The following IFT140 variants were observed in gnomAD, a reference collection of about 807,000 sequenced individuals.
The protein encoded by IFT140 is intraflagellar transport 140.
A neutral mutation model predicts 164.6 loss-of-function variants in IFT140; 133 were observed. That is an observed-to-expected ratio of 0.81 (90% CI 0.70 to 0.93). The LOEUF is 0.93. Ranked by LOEUF, IFT140 falls within the 40% of genes least tolerant of loss-of-function variation. The pLI is 0.00. For missense variants in IFT140, 2,045 were observed against 1,972.3 expected (o/e 1.04, Z -0.70); for synonymous variants, 860 against 817.3 (o/e 1.05, Z -0.89).
At position 1,556,731 on chromosome 16, in the gene IFT140, CTTTTTTATGACAAGGAATTTTTA is replaced by C. The variant is rs950916592; in HGVS notation, c.2399+1181_2399+1203del. The stretch of plus-strand genomic sequence containing the variant: ...TTGACTTTCATCTTCCCCTGCTCAA[CTTTTTTATGACAAGGAATTTTTA>C]TTTTTTATGACAAGGAATTTTTAAA... On this transcript the variant is annotated intron_variant, in intron 19 of 30. Transcript: ENST00000426508. Among the ~76,000 whole-genome samples, 10 of 152,336 alleles carry C rather than the reference CTTTTTTATGACAAGGAATTTTTA, an allele frequency of 6.6e-5. No homozygotes were observed. The South Asian group carries it at 1.9e-3, about 28-fold the overall frequency.
chr16:1,604,639 G>A (rs559746102), intron 3 of IFT140, among the ~76,000 whole-genome samples: 69 of 152,294 alleles, frequency 4.5e-4, no homozygotes, highest in Non-Finnish European at 9.0e-4. Context: ...CCTGGTTGCC[G>A]TGTAAAGTAG....
At chr16:1,541,591 G>T in intron 19 of IFT140, 1 of 724,270 alleles carries the variant, frequency 1.4e-6, no homozygotes, top group Non-Finnish European at 1.7e-6. Context: ...CCACGCCAGC[G>T]CCTTCAAGGG....
chr16:1,536,074 C>T (rs373141440), intron 19 of IFT140, among the ~76,000 whole-genome samples: 71 of 152,344 alleles, frequency 4.7e-4, no homozygotes, highest in African/African-American at 1.5e-3. Context: ...CCATCACTGG[C>T]GTCCAGCCCA....
At chr16:1,594,243 C>T (rs1399699312) in intron 4 of IFT140, among the ~76,000 whole-genome samples, 2 of 149,668 alleles carry the variant, frequency 1.3e-5, no homozygotes, top group Non-Finnish European at 3.0e-5. Context: ...TTTTTTGAGA[C>T]AGGGTCTCAC....
At chr16:1,517,274 C>T (rs2040388629) in intron 30 of IFT140, among the ~76,000 whole-genome samples, 1 of 151,386 alleles carries the variant, frequency 6.6e-6, no homozygotes, top group Non-Finnish European at 1.5e-5. Flanking sequence ...GGCGTGAACC[C>T]AGGAGGCGGA....
chr16:1,594,876 T>C (rs1038039886), intron 4 of IFT140, among the ~76,000 whole-genome samples: 1 of 152,232 alleles, frequency 6.6e-6, no homozygotes, highest in Admixed American at 6.5e-5. Flanking sequence ...TAGCCCACAG[T>C]ACGCTCTTCT....
intron 4 of IFT140, among the ~76,000 whole-genome samples, 181 bp from the exon 5 acceptor site, chr16:1,592,769 G>A (rs901502229): frequency 3.3e-5 from 5 of 151,450 alleles, no homozygotes; most frequent in Admixed American, 3.3e-4. Flanking sequence ...AGAGTGACTG[G>A]TGGAGGGACA....
At position 1,533,064 on chromosome 16, in the gene IFT140, G is replaced by A. The variant is rs544273028; in HGVS notation, c.2400-6268C>T. The A allele has an allele frequency of 1.3e-5, 2 of 152,368 alleles. No individual in the cohort carries two copies. The highest frequency in any genetic ancestry group is 3.9e-4 in the East Asian group (2 of 5,154). The allele number at this position is 152,368 out of a possible 1,614,324, so 9.4% of individuals were successfully genotyped here. A position where few individuals can be genotyped will look rare whatever the true frequency, so the allele number is the denominator to read the frequency against. ...TGGCCTCGAGGTCCTCCAAGTACAG[G>A]TCCCTGGCCCCGAGGTCCTCCAAGT... On this transcript the variant is annotated intron_variant, in intron 19 of 30. Transcript: ENST00000426508. This position sits in a 1 kb window ranked among gnomAD's most constrained non-coding sequence, Gnocchi z 4.7.
intron 4 of IFT140, among the ~76,000 whole-genome samples, chr16:1,595,584 AGAGT>A (rs2035421079): frequency 6.6e-6 from 1 of 151,450 alleles, no homozygotes. Flanking sequence ...CCTGGGCGAC[AGAGT>A]GAGACTCCAT....
intron 30 of IFT140, among the ~76,000 whole-genome samples, 170 bp from the exon 31 acceptor site, chr16:1,511,320 G>A (rs898342892): frequency 5.3e-5 from 8 of 152,236 alleles, no homozygotes; most frequent in African/African-American, 1.9e-4. Context: ...ATGTGGTGAT[G>A]AGGGGATGCG....
At chr16:1,552,246 C>G (rs1330306333) in intron 19 of IFT140, among the ~76,000 whole-genome samples, 1 of 152,158 alleles carries the variant, frequency 6.6e-6, no homozygotes, top group African/African-American at 2.4e-5. Context: ...CCGGTATAAC[C>G]TCCTCCCGCC....
At chr16:1,513,896 A>G (rs1387855578) in intron 30 of IFT140, among the ~76,000 whole-genome samples, 2 of 143,930 alleles carry the variant, frequency 1.4e-5, no homozygotes, top group East Asian at 2.4e-4. Context: ...GATGGTCTCC[A>G]TCTCCTGACC....
At chr16:1,608,418 T>C (rs112799342) in intron 2 of IFT140, among the ~76,000 whole-genome samples, 3,401 of 151,684 alleles carry the variant, frequency 0.022, 124 homozygotes, top group African/African-American at 0.077. Context: ...TGCCTGAGCT[T>C]AGGAGTTCGA....
chr16:1,584,041 CTTA>C (rs1162420214), intron 11 of IFT140, among the ~76,000 whole-genome samples, 173 bp downstream of exon 11: 1 of 152,164 alleles, frequency 6.6e-6, no homozygotes, highest in East Asian at 1.9e-4. Context: ...GGCCTATATT[CTTA>C]TTACGATTTT....
intron 18 of IFT140, among the ~76,000 whole-genome samples, 155 bp downstream of exon 18, chr16:1,561,830 A>G (rs928265338): frequency 1.3e-5 from 2 of 152,182 alleles, no homozygotes; most frequent in African/African-American, 4.8e-5. Context: ...TCAGGCGACA[A>G]GTGAGACTGG....
chr16:1,511,314 G>A (rs1432649529), intron 30 of IFT140, among the ~76,000 whole-genome samples, 164 bp from the exon 31 acceptor site: 1 of 152,222 alleles, frequency 6.6e-6, no homozygotes, highest in African/African-American at 2.4e-5. Context: ...GGGGGAATGT[G>A]GTGATGAGGG....
chr16:1,592,970 G>A (rs889066221), intron 4 of IFT140, among the ~76,000 whole-genome samples: 29 of 151,370 alleles, frequency 1.9e-4, no homozygotes, highest in Non-Finnish European at 2.9e-4. Context: ...CAGGTGTCCC[G>A]GCAGAGTGAC....
intron 25 of IFT140, 34 bp downstream of exon 25, chr16:1,523,794 C>T: frequency 6.2e-7 from 1 of 1,608,256 alleles, no homozygotes; most frequent in Non-Finnish European, 8.5e-7. Flanking sequence ...CTTGCTGCCC[C>T]TCCCCCAGGT....
intron 19 of IFT140, chr16:1,555,245 T>C: frequency 1.7e-6 from 1 of 592,760 alleles, no homozygotes; most frequent in Non-Finnish European, 2.9e-6. Context: ...CCTCCAGCTT[T>C]CCTGGTTAGC....
Sources: gnomAD v4.1 joint callset for allele counts (sites outside exome capture counted in the v4.1 genomes callset) on GRCh38, gnomAD v4.1.1 for gene constraint, Gnocchi (gnomAD v3.1) non-coding constraint, MANE v1.5 for transcripts, NCBI Gene and HGNC (gene_info 2026-07-23, HGNC 2026-07-21) for gene names.